The following COL22A1 variants were observed in gnomAD, a reference collection of about 807,000 sequenced individuals.
COL22A1 encodes collagen alpha-1(XXII) chain.
Under a neutral mutation model 248.9 loss-of-function variants are expected in COL22A1, and 221 were observed. That is an observed-to-expected ratio of 0.89 (90% CI 0.80 to 0.99). The LOEUF is 0.99. Ranked by LOEUF, COL22A1 falls within the 50% of genes least tolerant of loss-of-function variation. The pLI, the probability that COL22A1 is intolerant of heterozygous loss-of-function variation, is 0.00. For synonymous variants in COL22A1, 891 were observed against 793.4 expected, an observed-to-expected ratio of 1.12 and a Z score of -2.07; for missense variants, 2,240 against 2,179.0, an observed-to-expected ratio of 1.03 and a Z score of -0.56.
At chr8:138,715,770 C>A (rs1405132211) in intron 29 of COL22A1, 35 bp from the exon 30 acceptor site, 1 of 1,511,894 alleles carries the variant, frequency 6.6e-7, no homozygotes, top group East Asian at 2.3e-5. Context: ...AACATTAGAA[C>A]CCAAACCGAG....
intron 1 of COL22A1, among the ~76,000 whole-genome samples, chr8:138,887,865 G>A (rs564376004): frequency 1.8e-4 from 27 of 152,234 alleles, no homozygotes; most frequent in South Asian, 1.2e-3. Flanking sequence ...GGGAGTGTGC[G>A]GGTGCTCCTG....
chr8:138,863,002 G>A (rs1396581696), intron 3 of COL22A1, among the ~76,000 whole-genome samples: 2 of 152,186 alleles, frequency 1.3e-5, no homozygotes, highest in Non-Finnish European at 2.9e-5. Context: ...AGGGGACAGA[G>A]GGCAAACACA....
chr8:138,796,520 C>T (rs549595039), intron 12 of COL22A1, among the ~76,000 whole-genome samples: 19 of 148,928 alleles, frequency 1.3e-4, no homozygotes, highest in Non-Finnish European at 2.2e-4. Flanking sequence ...ATAGTTCAAA[C>T]GTCAACATTT....
At chr8:138,625,083 T>C (rs1426481916) in intron 51 of COL22A1, among the ~76,000 whole-genome samples, 1 of 152,186 alleles carries the variant, frequency 6.6e-6, no homozygotes, top group Non-Finnish European at 1.5e-5. Context: ...GACCAACGAA[T>C]AATGGAGAAT....
intron 1 of COL22A1, among the ~76,000 whole-genome samples, chr8:138,901,358 GT>G (rs146670099): frequency 9.9e-5 from 13 of 131,518 alleles, no homozygotes; most frequent in African/African-American, 3.4e-4. Flanking sequence ...TTACTGGCAG[GT>G]TTTTTTTTTG....
chr8:138,660,518 G>T, intron 43 of COL22A1, 38 bp from the exon 44 acceptor site: 1 of 1,597,724 alleles, frequency 6.3e-7, no homozygotes, highest in Non-Finnish European at 8.6e-7. Context: ...ACTGTGATAA[G>T]CACACGATCC....
At position 138,737,529 on chromosome 8, in the gene COL22A1, G is replaced by A. The variant is rs1163978299; in HGVS notation, c.2134C>T (p.Leu712=). ...AGAATGTAAAAGGTAGTTACCTGCA[G>A]CCCCAGCAATCCAGGGATTCCAGGT... ...GPPGIPGLLG[L]QGPPGPPGVP... The change falls in exon 23 of 65, where the codon CTG becomes TTG. Residue 712 remains leucine, a synonymous_variant. Transcript: ENST00000303045. 6.2e-7 allele frequency: 1 copy of A among 1,607,272 alleles called. No individual in the cohort carries two copies. The highest frequency in any genetic ancestry group is 8.5e-7 in the Non-Finnish European group (1 of 1,173,896).
chr8:138,827,974 ACAT>A (rs1819728268), intron 5 of COL22A1: 1 of 151,518 alleles, frequency 6.6e-6, no homozygotes, highest in Non-Finnish European at 1.5e-5. Context: ...GTTCTGGGAA[ACAT>A]CATTGACATC....
intron 50 of COL22A1, among the ~76,000 whole-genome samples, chr8:138,629,160 T>C (rs1181338637): frequency 6.6e-6 from 1 of 151,348 alleles, no homozygotes; most frequent in Non-Finnish European, 1.5e-5. Flanking sequence ...TAGTTTTTAT[T>C]AGGGAAATCA....
rs1364972981 is a variant in COL22A1 at position 138,820,917 on chromosome 8, G to T, written c.1245+219C>A. ...ATGTATATGTGATGAATGATTGATGGAATGGTTGAATAACCGAATGAGTTA... is the reference window on the plus strand; with the variant it reads ...ATGTATATGTGATGAATGATTGATGTAATGGTTGAATAACCGAATGAGTTA... On this transcript the variant is annotated intron_variant, in intron 7 of 64. Coordinates refer to ENST00000303045, the MANE Select transcript of COL22A1 (RefSeq NM_152888.3). Among the ~76,000 whole-genome samples the T allele has an allele frequency of 3.9e-5, 6 of 152,316 alleles. No individual in the cohort carries two copies. In the East Asian group the frequency reaches 7.7e-4, roughly 20 times the overall value.
chr8:138,821,675 A>T (rs184673276), intron 6 of COL22A1, among the ~76,000 whole-genome samples: 1 of 152,304 alleles, frequency 6.6e-6, no homozygotes, highest in Admixed American at 6.5e-5. Context: ...AATTGCACTC[A>T]TACATTAACT....
rs1363635707 is a variant in COL22A1 at position 138,602,158 on chromosome 8, C to T, written c.4142G>A (p.Gly1381Glu). ...AGGCTCTCCAGGCTTCCCAGGGACC[C>T]CCTGCAAGGAGAAAGAAAGGACAGT... Reference protein sequence around the residue: ...PGEKGVPGKEGVPGKPGEPGF... With the variant: ...PGEKGVPGKEEVPGKPGEPGF... The change falls in exon 60 of 65, where the codon GGG (glycine) becomes GAG (glutamate). Residue 1381 changes from glycine (G) to glutamate (E), a missense_variant and splice_region_variant. Gly to Glu is a moderately conservative substitution (Grantham distance 98). Coordinates refer to ENST00000303045, the MANE Select transcript of COL22A1 (RefSeq NM_152888.3). 1.2e-6 allele frequency: 2 copies of T among 1,613,960 alleles called. No homozygotes were observed. The highest frequency in any genetic ancestry group is 1.7e-5 in the Admixed American group (1 of 60,000).
chr8:138,694,941 A>C (rs1827383484), intron 32 of COL22A1, 62 bp from the exon 33 acceptor site: 1 of 1,538,152 alleles, frequency 6.5e-7, no homozygotes, highest in Non-Finnish European at 8.9e-7. Context: ...GTCACAGGGT[A>C]CATGTCCCCA....
intron 10 of COL22A1, among the ~76,000 whole-genome samples, chr8:138,805,050 T>C (rs1165198372): frequency 1.7e-5 from 2 of 115,240 alleles, no homozygotes; most frequent in African/African-American, 4.7e-5. Flanking sequence ...ATGGTGTGTG[T>C]AATGGTGTGT....
At chr8:138,832,683 T>C (rs374875753) in intron 5 of COL22A1, among the ~76,000 whole-genome samples, 22 of 152,282 alleles carry the variant, frequency 1.4e-4, no homozygotes, top group African/African-American at 4.8e-4. Context: ...ACGCCTGCCA[T>C]GAATGCAGTG....
chr8:138,755,306 C>G lies in COL22A1; in HGVS notation c.1978-96G>C, dbSNP rs995818028. 5 of 1,401,652 alleles carry G rather than the reference C, an allele frequency of 3.6e-6. No individual in the cohort carries two copies. The African/African-American group carries it at 7.1e-5, about 20-fold the overall frequency. 86.8% of individuals were successfully genotyped at this position (1,401,652 alleles called of 1,614,324 possible). A position where few individuals can be genotyped will look rare whatever the true frequency, so the allele number is the denominator to read the frequency against. On this transcript the variant is annotated intron_variant, in intron 20 of 64. Coordinates refer to ENST00000303045, the MANE Select transcript of COL22A1 (RefSeq NM_152888.3). Reference sequence around the variant, plus strand: ...TGGCCCTCTCCTGACTCAAAGTTTACTTTCCAAGTTCTCGATAGGGAGTAG... The same window carrying G: ...TGGCCCTCTCCTGACTCAAAGTTTAGTTTCCAAGTTCTCGATAGGGAGTAG...
intron 60 of COL22A1, among the ~76,000 whole-genome samples, chr8:138,600,073 T>C (rs1405448670): frequency 2.0e-5 from 3 of 152,172 alleles, no homozygotes; most frequent in East Asian, 3.8e-4. Context: ...CCTCCAACAC[T>C]GCCTAGGGCT....
At chr8:138,631,406 C>G (rs1820711076) in intron 49 of COL22A1, among the ~76,000 whole-genome samples, 1 of 152,148 alleles carries the variant, frequency 6.6e-6, no homozygotes, top group Non-Finnish European at 1.5e-5. Flanking sequence ...CAGGCAGTCA[C>G]CCCTTTGAAA....
At position 138,716,891 on chromosome 8, in the gene COL22A1, C is replaced by A. The variant is rs550279349; in HGVS notation, c.2356-22G>T. The A allele has an allele frequency of 5.0e-6, 8 of 1,587,374 alleles. No individual in the cohort carries two copies. In the Admixed American group the frequency reaches 1.0e-4, roughly 20 times the overall value. Reference sequence around the variant, plus strand: ...CTCCCTGAAAATGCAATAAAACATACCCCATTATTCTCCATTCACTTTAAA... The same window carrying A: ...CTCCCTGAAAATGCAATAAAACATAACCCATTATTCTCCATTCACTTTAAA... On this transcript the variant is annotated intron_variant, in intron 27 of 64. Coordinates refer to ENST00000303045, the MANE Select transcript of COL22A1 (RefSeq NM_152888.3).
Sources: allele counts gnomAD v4.1 joint callset (sites outside exome capture counted in the v4.1 genomes callset), GRCh38; gene constraint gnomAD v4.1.1; transcripts MANE v1.5; gene names NCBI Gene and HGNC (gene_info 2026-07-23, HGNC 2026-07-21).